Variants in ALK observed in about 807,000 individuals in gnomAD.
ALK encodes the protein ALK tyrosine kinase receptor.
In ALK, 74 loss-of-function variants were observed where a neutral mutation model predicts 163.1. The observed-to-expected ratio is 0.45, with a 90% CI of 0.38 to 0.55. ALK has a LOEUF of 0.55. Ranked by LOEUF, ALK falls within the 20% of genes least tolerant of loss-of-function variation. ALK has a pLI of 0.00. For missense variants in ALK, 2,063 were observed against 2,105.3 expected, an observed-to-expected ratio of 0.98 and a Z score of 0.39; for synonymous variants, 960 against 843.2, an observed-to-expected ratio of 1.14 and a Z score of -2.40.
chr2:29,463,990 A>G (rs909958744), intron 4 of ALK, among the ~76,000 whole-genome samples: 6 of 152,358 alleles, frequency 3.9e-5, no homozygotes, highest in African/African-American at 1.4e-4. Context: ...TAGTCCCACA[A>G]TAAAGGCTAC....
intron 8 of ALK, among the ~76,000 whole-genome samples, chr2:29,313,528 G>A (rs950008400): frequency 6.6e-6 from 1 of 152,184 alleles, no homozygotes; most frequent in Non-Finnish European, 1.5e-5. Context: ...TGAGTTAGGT[G>A]ACAGTAATGC....
At chr2:29,276,119 A>G (rs1291504839) in intron 9 of ALK, among the ~76,000 whole-genome samples, 1 of 152,160 alleles carries the variant, frequency 6.6e-6, no homozygotes, top group Non-Finnish European at 1.5e-5. Context: ...ACCAGCACCC[A>G]TAGGGTTTAT....
chr2:29,338,352 T>C lies in ALK; in HGVS notation c.1283-9871A>G, dbSNP rs530172066. Among the ~76,000 whole-genome samples the C allele has an allele frequency of 8.2e-4, 125 of 152,358 alleles. 1 individual carries two copies. The Middle Eastern group carries it at 0.02, about 25-fold the overall frequency. ...TCAGCTTTCTGAGGTCAGCTCCTTTTTGGTCCTAATCTTACCATAAACCTT... is the reference window on the plus strand; with the variant it reads ...TCAGCTTTCTGAGGTCAGCTCCTTTCTGGTCCTAATCTTACCATAAACCTT... On this transcript the variant is annotated intron_variant, in intron 5 of 28. Coordinates refer to ENST00000389048, the MANE Select transcript of ALK (RefSeq NM_004304.5).
In ALK at chr2:29,400,010, T is replaced by C. The variant is rs149751252; in HGVS notation, c.1155-16151A>G. On this transcript the variant is annotated intron_variant, in intron 4 of 28. Transcript: ENST00000389048. ...TGGCATCTTACCAACTGAGTTAGGA[T>C]AACTGGGACCTTGAGGCCTCATCCA... 8.1e-4 allele frequency among the ~76,000 whole-genome samples: 123 copies of C among 152,296 alleles called. 2 individuals carry two copies. In the East Asian group the frequency reaches 0.023, roughly 28 times the overall value.
intron 4 of ALK, among the ~76,000 whole-genome samples, chr2:29,411,836 C>T (rs1483365948): frequency 6.6e-6 from 1 of 152,198 alleles, no homozygotes; most frequent in Non-Finnish European, 1.5e-5. Context: ...TCTCAGCTTA[C>T]AGCCTTGTTG....
intron 3 of ALK, among the ~76,000 whole-genome samples, chr2:29,679,428 T>G (rs1432104751): frequency 6.6e-6 from 1 of 151,814 alleles, no homozygotes; most frequent in Admixed American, 6.6e-5. Flanking sequence ...ATTTTTTCCT[T>G]TGTTTCTTCC....
chr2:29,799,352 G>A (rs1187529685), intron 1 of ALK, among the ~76,000 whole-genome samples: 1 of 152,192 alleles, frequency 6.6e-6, no homozygotes, highest in African/African-American at 2.4e-5. Context: ...GAATGACCAT[G>A]TATCACTTTA....
intron 1 of ALK, among the ~76,000 whole-genome samples, chr2:29,788,323 C>T (rs1335560935): frequency 6.6e-6 from 1 of 152,202 alleles, no homozygotes; most frequent in Non-Finnish European, 1.5e-5. Context: ...TTCCAGTGGA[C>T]AGATTAACAT....
chr2:29,617,249 A>C (rs774526857), intron 3 of ALK, among the ~76,000 whole-genome samples: 1 of 152,212 alleles, frequency 6.6e-6, no homozygotes, highest in Non-Finnish European at 1.5e-5. Context: ...GTCTGTGTTG[A>C]CCATTCTGGA....
At chr2:29,231,761 A>G (rs1558629307) in intron 15 of ALK, among the ~76,000 whole-genome samples, 1 of 152,186 alleles carries the variant, frequency 6.6e-6, no homozygotes, top group Non-Finnish European at 1.5e-5. Flanking sequence ...CTTTAGAGGA[A>G]TCAGGGAATT....
chr2:29,670,249 C>T (rs1677640989), intron 3 of ALK, among the ~76,000 whole-genome samples: 1 of 152,078 alleles, frequency 6.6e-6, no homozygotes, highest in Non-Finnish European at 1.5e-5. Context: ...GAAGGACTAG[C>T]TTTCCTTCAT....
chr2:29,709,740 C>G (rs1679018124), intron 2 of ALK, among the ~76,000 whole-genome samples: 1 of 152,106 alleles, frequency 6.6e-6, no homozygotes, highest in African/African-American at 2.4e-5. Flanking sequence ...GTTGTGAATA[C>G]TTGCTATATG....
intron 9 of ALK, among the ~76,000 whole-genome samples, chr2:29,285,227 C>T (rs1264699328): frequency 6.6e-6 from 1 of 151,676 alleles, no homozygotes; most frequent in Non-Finnish European, 1.5e-5. Flanking sequence ...TCCCGCCCTC[C>T]AGCCTATCTC....
intron 4 of ALK, among the ~76,000 whole-genome samples, chr2:29,386,545 T>G (rs1669036543): frequency 6.6e-6 from 1 of 152,242 alleles, no homozygotes; most frequent in Non-Finnish European, 1.5e-5. Context: ...GCAGGAGTAT[T>G]CATATTCTGC....
chr2:29,585,758 G>A (rs1383541089), intron 3 of ALK, among the ~76,000 whole-genome samples: 2 of 151,110 alleles, frequency 1.3e-5, no homozygotes, highest in African/African-American at 4.9e-5. Flanking sequence ...CTCATTTGGG[G>A]GCTTTTAGCA....
intron 22 of ALK, 115 bp downstream of exon 22, chr2:29,222,227 AGG>A (rs1669821813): frequency 2.2e-6 from 2 of 904,336 alleles, no homozygotes; most frequent in East Asian, 5.2e-5. Context: ...ACTGGAGAAA[AGG>A]GGACATGCTA....
rs183605829 is a variant in ALK, at chr2:29,680,138, T to A, written c.952+14712A>T. Among the ~76,000 whole-genome samples the A allele has an allele frequency of 8.5e-5, 13 of 152,142 alleles. No individual in the cohort carries two copies. In the East Asian group the frequency reaches 1.4e-3, roughly 16 times the overall value. The stretch of plus-strand genomic sequence containing the variant: ...TCTTTGGTGGCATTTAACAATATGA[T>A]GATGATATGTCTAGATGTAGATCTC... On this transcript the variant is annotated intron_variant, in intron 3 of 28. Coordinates refer to ENST00000389048, the MANE Select transcript of ALK (RefSeq NM_004304.5).
At chr2:29,704,733 G>A (rs1201547711) in intron 2 of ALK, among the ~76,000 whole-genome samples, 7 of 152,086 alleles carry the variant, frequency 4.6e-5, no homozygotes, top group African/African-American at 9.7e-5. Flanking sequence ...TGGTGAGCAG[G>A]TCTGTTCTCA....
chr2:29,754,501 C>A (rs904123570), intron 1 of ALK, among the ~76,000 whole-genome samples: 7 of 152,040 alleles, frequency 4.6e-5, no homozygotes, highest in Admixed American at 3.3e-4. Context: ...CAGCAGTGTT[C>A]CAACATAGGG....
Sources: gnomAD v4.1 joint callset for allele counts (sites outside exome capture counted in the v4.1 genomes callset) on GRCh38, gnomAD v4.1.1 for gene constraint, MANE v1.5 for transcripts, NCBI Gene and HGNC (gene_info 2026-07-23, HGNC 2026-07-21) for gene names.